CD2AP: variants seen among roughly 807,000 people sequenced by gnomAD.
The protein encoded by CD2AP is CD2-associated protein.
CD2AP carries 46 observed loss-of-function variants against 85.1 expected under a neutral mutation model. That is an observed-to-expected ratio of 0.54 (90% CI 0.43 to 0.69). CD2AP has a LOEUF of 0.69. CD2AP is among the 30% of genes least tolerant of loss of function. The pLI, the probability that CD2AP is intolerant of heterozygous loss-of-function variation, is 0.00. For synonymous variants in CD2AP, 255 were observed against 252.9 expected (o/e 1.01, Z -0.08); for missense variants, 769 against 729.5 (o/e 1.05, Z -0.62).
chr6:47,623,645 C>A (rs1234754932), intron 17 of CD2AP, among the ~76,000 whole-genome samples: 3 of 152,178 alleles, frequency 2.0e-5, no homozygotes, highest in Middle Eastern at 3.4e-3. Context: ...ATATCAAGCA[C>A]CTTGACTGAA....
chr6:47,497,382 T>C (rs1014995443), intron 1 of CD2AP, among the ~76,000 whole-genome samples: 4 of 139,740 alleles, frequency 2.9e-5, no homozygotes, highest in Non-Finnish European at 6.2e-5. Flanking sequence ...TCTCCTTCCC[T>C]GTCGCCTTCC....
At chr6:47,594,424 G>A (rs1768882560) in intron 11 of CD2AP, among the ~76,000 whole-genome samples, 1 of 151,824 alleles carries the variant, frequency 6.6e-6, no homozygotes, top group Admixed American at 6.6e-5. Context: ...TGATTTCCAT[G>A]TATTCTTTTT....
chr6:47,508,966 G>A (rs187334202), intron 2 of CD2AP, among the ~76,000 whole-genome samples: 2 of 152,268 alleles, frequency 1.3e-5, no homozygotes, highest in African/African-American at 4.8e-5. Context: ...TGGTGTAAGG[G>A]CCTAGCTTTT....
intron 5 of CD2AP, among the ~76,000 whole-genome samples, chr6:47,561,472 CT>C (rs200178991): frequency 3.9e-3 from 565 of 144,528 alleles, no homozygotes; most frequent in South Asian, 6.0e-3. Context: ...TCAAGGCAAA[CT>C]TTTTTTTTTT....
chr6:47,612,630 T>G, intron 17 of CD2AP, 94 bp downstream of exon 17: 1 of 802,794 alleles, frequency 1.2e-6, no homozygotes, highest in South Asian at 1.4e-5. Context: ...GTACAAATTA[T>G]GCTATACTAC....
chr6:47,501,918 C>T (rs1766007350), intron 1 of CD2AP, among the ~76,000 whole-genome samples: 1 of 152,154 alleles, frequency 6.6e-6, no homozygotes, highest in Admixed American at 6.5e-5. Flanking sequence ...AATAGTAACA[C>T]AAACTTAGTA....
At chr6:47,520,895 T>C (rs1303467830) in intron 2 of CD2AP, among the ~76,000 whole-genome samples, 2 of 151,990 alleles carry the variant, frequency 1.3e-5, no homozygotes, top group East Asian at 3.9e-4. Flanking sequence ...TCTGCTTGCA[T>C]TGGCATTTCT....
intron 3 of CD2AP, among the ~76,000 whole-genome samples, chr6:47,538,809 T>C (rs748246106): frequency 6.6e-6 from 1 of 152,242 alleles, no homozygotes; most frequent in Non-Finnish European, 1.5e-5. Context: ...TATTTACATC[T>C]ATTTTTCAGA....
At chr6:47,609,642 T>C in intron 16 of CD2AP, 1 of 227,798 alleles carries the variant, frequency 4.4e-6, no homozygotes, top group South Asian at 7.2e-5. Context: ...AAGGCTGCAG[T>C]GAGCCGTGAA....
chr6:47,486,726 A>G (rs1237649207), intron 1 of CD2AP, among the ~76,000 whole-genome samples: 2 of 152,202 alleles, frequency 1.3e-5, no homozygotes, highest in African/African-American at 4.8e-5. Flanking sequence ...TGTTCCAATA[A>G]TGAAGAGTCT....
chr6:47,613,964 C>G (rs1031524645), intron 17 of CD2AP, among the ~76,000 whole-genome samples: 2 of 152,170 alleles, frequency 1.3e-5, no homozygotes, highest in Non-Finnish European at 2.9e-5. Context: ...ATGAACCAGC[C>G]TCTGCTACCT....
intron 5 of CD2AP, among the ~76,000 whole-genome samples, chr6:47,555,036 G>A (rs1767642222): frequency 6.6e-6 from 1 of 152,090 alleles, no homozygotes; most frequent in Non-Finnish European, 1.5e-5. Context: ...TAGGTTATCT[G>A]ATTTCTTCCT....
At chr6:47,514,301 T>C (rs2113997660) in intron 2 of CD2AP, among the ~76,000 whole-genome samples, 1 of 152,364 alleles carries the variant, frequency 6.6e-6, no homozygotes, top group African/African-American at 2.4e-5. Context: ...TTCATTTTTA[T>C]TTTGTAGCTA....
At chr6:47,501,818 G>A (rs1253801157) in intron 1 of CD2AP, among the ~76,000 whole-genome samples, 1 of 152,086 alleles carries the variant, frequency 6.6e-6, no homozygotes, top group Non-Finnish European at 1.5e-5. Flanking sequence ...ATGCTTATGT[G>A]ATCCTATAAT....
rs1206373229 is a variant in CD2AP at position 47,626,283 on chromosome 6, G to A, written c.*2056G>A. 3 of 151,944 alleles carry A rather than the reference G, an allele frequency of 2.0e-5. No homozygotes were observed. The highest frequency in any genetic ancestry group is 4.4e-5 in the Non-Finnish European group (3 of 67,816). 9.4% of individuals were successfully genotyped at this position (151,944 alleles called of 1,614,324 possible). A position where few individuals can be genotyped will look rare whatever the true frequency, so the allele number is the denominator to read the frequency against. On this transcript the variant is annotated 3_prime_UTR_variant, in exon 18 of 18. Coordinates refer to ENST00000359314, the MANE Select transcript of CD2AP (RefSeq NM_012120.3). ...GAAATACTTTTACCTTTCTGTCCTT[G>A]ATAAAATAGTAAAGAAAACCAAACA...
chr6:47,609,887 C>G (rs1769384423), intron 16 of CD2AP, among the ~76,000 whole-genome samples: 1 of 152,054 alleles, frequency 6.6e-6, no homozygotes, highest in Admixed American at 6.6e-5. Context: ...TTTTAAACTA[C>G]TAGGAAAAAT....
intron 5 of CD2AP, among the ~76,000 whole-genome samples, chr6:47,560,622 C>T (rs1767832345): frequency 6.6e-6 from 1 of 151,944 alleles, no homozygotes; most frequent in Admixed American, 6.6e-5. Context: ...ATTGGCAGGA[C>T]TATGGAGTGA....
chr6:47,589,460 A>T (rs747237992), intron 11 of CD2AP, among the ~76,000 whole-genome samples: 1 of 151,016 alleles, frequency 6.6e-6, no homozygotes, highest in South Asian at 2.1e-4. Context: ...ATATATATAC[A>T]TATATACACA....
chr6:47,588,796 A>T (rs540027782), intron 11 of CD2AP, among the ~76,000 whole-genome samples: 1 of 152,152 alleles, frequency 6.6e-6, no homozygotes, highest in Non-Finnish European at 1.5e-5. Flanking sequence ...TCAGGGCGAC[A>T]TGATTTCTTG....
Sources: allele counts gnomAD v4.1 joint callset (sites outside exome capture counted in the v4.1 genomes callset), GRCh38; gene constraint gnomAD v4.1.1; transcripts MANE v1.5; gene names NCBI Gene and HGNC (gene_info 2026-07-23, HGNC 2026-07-21).